The following TBL1X variants were observed in gnomAD, a reference collection of about 807,000 sequenced individuals.
The protein encoded by TBL1X is transducin beta like 1 X-linked.
Under a neutral mutation model 50.7 loss-of-function variants are expected in TBL1X, and 10 were observed. The observed-to-expected ratio is 0.20, with a 90% CI of 0.12 to 0.33. The LOEUF (loss-of-function observed/expected upper bound fraction) is 0.33, where lower values mean the gene tolerates loss of function less well. Ranked by LOEUF, TBL1X falls within the 10% of genes least tolerant of loss-of-function variation. The pLI is 1.00. For synonymous variants in TBL1X, 190 were observed against 214.7 expected (o/e 0.88, Z 1.01); for missense variants, 340 against 504.4 (o/e 0.67, Z 3.12).
At chrX:9,470,791 T>C (rs2081809648) in intron 1 of TBL1X, among the ~76,000 whole-genome samples, 1 of 110,964 alleles carries the variant, frequency 9.0e-6, no homozygotes, top group Non-Finnish European at 1.9e-5. Flanking sequence ...TGCACCACCA[T>C]GCCCGGCTAA....
chrX:9,511,705 G>T (rs1476545421), intron 2 of TBL1X, among the ~76,000 whole-genome samples: 12 of 112,292 alleles, frequency 1.1e-4, no homozygotes, highest in Non-Finnish European at 1.9e-5. Flanking sequence ...GGAATTGTTT[G>T]CAACATCATA....
At chrX:9,541,567 C>T (rs746756853) in intron 2 of TBL1X, among the ~76,000 whole-genome samples, 2 of 112,773 alleles carry the variant, frequency 1.8e-5, no homozygotes, top group South Asian at 3.7e-4. Context: ...GTGTCAGGAA[C>T]GACTGCCACT....
intron 5 of TBL1X, among the ~76,000 whole-genome samples, chrX:9,663,683 C>A (rs1454474863): frequency 9.2e-6 from 1 of 108,574 alleles, no homozygotes; most frequent in Non-Finnish European, 1.9e-5. Flanking sequence ...AACGCTGGAA[C>A]CCAGGAGGTG....
At chrX:9,533,828 A>G (rs1433401197) in intron 2 of TBL1X, among the ~76,000 whole-genome samples, 1 of 111,466 alleles carries the variant, frequency 9.0e-6, no homozygotes, top group Non-Finnish European at 1.9e-5. Context: ...CAGCTGGTGG[A>G]CTTCCTTGGG....
At chrX:9,612,696 C>T (rs2082619480) in intron 2 of TBL1X, among the ~76,000 whole-genome samples, 1 of 110,996 alleles carries the variant, frequency 9.0e-6, no homozygotes, top group South Asian at 3.7e-4. Context: ...ATCCCAAGTT[C>T]CAATGTCTGT....
intron 5 of TBL1X, among the ~76,000 whole-genome samples, chrX:9,660,288 G>GTGA (rs2082890160): frequency 8.9e-6 from 1 of 112,761 alleles, no homozygotes; most frequent in South Asian, 3.7e-4. Context: ...TAAAAACCAT[G>GTGA]TGATGATGGT....
chrX:9,634,710 C>A (rs1472864234), intron 2 of TBL1X, among the ~76,000 whole-genome samples: 1 of 110,677 alleles, frequency 9.0e-6, no homozygotes, highest in Non-Finnish European at 1.9e-5. Context: ...AAGTGTGGAG[C>A]CGTTTTTCAG....
intron 2 of TBL1X, among the ~76,000 whole-genome samples, chrX:9,561,469 G>A (rs943683625): frequency 2.7e-5 from 3 of 111,459 alleles, no homozygotes; most frequent in African/African-American, 9.8e-5. Flanking sequence ...GTTGAAGTCT[G>A]AAGAGTGACA....
intron 1 of TBL1X, among the ~76,000 whole-genome samples, chrX:9,480,710 A>G (rs1338567290): frequency 1.9e-5 from 2 of 107,720 alleles, no homozygotes; most frequent in Non-Finnish European, 3.8e-5. Context: ...GGGTCTAAAC[A>G]TTTGATATTT....
At chrX:9,557,975 G>A (rs5979114) in intron 2 of TBL1X, among the ~76,000 whole-genome samples, 1,603 of 112,173 alleles carry the variant, frequency 0.014, 21 homozygotes, top group African/African-American at 0.049. Context: ...GTATTTCTCC[G>A]GAAATCTGGA....
chrX:9,490,359 A>C (rs1447482315), intron 1 of TBL1X, among the ~76,000 whole-genome samples: 6 of 111,642 alleles, frequency 5.4e-5, no homozygotes, highest in Non-Finnish European at 1.1e-4. Context: ...CTTGGGGAAC[A>C]TTTGACAATG....
intron 2 of TBL1X, among the ~76,000 whole-genome samples, chrX:9,511,344 C>A (rs2082054800): frequency 8.9e-6 from 1 of 111,860 alleles, no homozygotes; most frequent in African/African-American, 3.2e-5. Context: ...GAATGGCTTG[C>A]CTGGCTTGTG....
At chrX:9,505,398 A>G (rs1008343393) in intron 2 of TBL1X, among the ~76,000 whole-genome samples, 2 of 112,139 alleles carry the variant, frequency 1.8e-5, no homozygotes, top group African/African-American at 6.5e-5. Flanking sequence ...ACTAATGTAC[A>G]AAATAACCAA....
chrX:9,574,407 A>G lies in TBL1X; in HGVS notation c.-130-65866A>G, dbSNP rs534779798. On this transcript the variant is annotated intron_variant, in intron 2 of 17. Coordinates refer to ENST00000645353, the MANE Select transcript of TBL1X (RefSeq NM_005647.4). The stretch of plus-strand genomic sequence containing the variant: ...AGTTCGAGGCTACAAGTGAGCCATG[A>G]TCATACCACTGCACTTGAGCCTGGG... 9.0e-5 allele frequency among the ~76,000 whole-genome samples: 9 copies of G among 100,220 alleles called. No homozygotes were observed. In the South Asian group the frequency reaches 3.7e-3, roughly 41 times the overall value. The allele number at this position is 100,220 out of a possible 115,157, so 87.0% of individuals were successfully genotyped here.
intron 2 of TBL1X, among the ~76,000 whole-genome samples, chrX:9,592,806 C>T (rs771549238): frequency 8.9e-6 from 1 of 112,220 alleles, no homozygotes; most frequent in South Asian, 3.7e-4. Context: ...AAAATGTCAT[C>T]GTATTTTTGT....
chrX:9,559,751 G>T (rs2082316354), intron 2 of TBL1X, among the ~76,000 whole-genome samples: 1 of 111,869 alleles, frequency 8.9e-6, no homozygotes, highest in Non-Finnish European at 1.9e-5. Flanking sequence ...GGGCCTTATA[G>T]CCTTCAGTAT....
chrX:9,527,114 T>A (rs139794978), intron 2 of TBL1X, among the ~76,000 whole-genome samples: 1,451 of 112,262 alleles, frequency 0.013, 10 homozygotes, highest in Middle Eastern at 0.023. Flanking sequence ...AAGGAGGTCC[T>A]GACCTGTCCA....
chrX:9,639,209 A>C (rs764298138), intron 2 of TBL1X, among the ~76,000 whole-genome samples: 7 of 110,852 alleles, frequency 6.3e-5, no homozygotes, highest in Non-Finnish European at 9.5e-5. Flanking sequence ...AACATGACTC[A>C]GTGGGAATAA....
chrX:9,696,369 A>G (rs997934029), intron 11 of TBL1X, among the ~76,000 whole-genome samples: 3 of 112,707 alleles, frequency 2.7e-5, no homozygotes, highest in Admixed American at 9.4e-5. Flanking sequence ...TCAACACAAA[A>G]TAGAACTCTT....
Sources: allele counts gnomAD v4.1 joint callset (sites outside exome capture counted in the v4.1 genomes callset), GRCh38; gene constraint gnomAD v4.1.1; transcripts MANE v1.5; gene names NCBI Gene and HGNC (gene_info 2026-07-23, HGNC 2026-07-21).